SOX5: variants seen among roughly 807,000 people sequenced by gnomAD.
SOX5 encodes the protein SRY-box transcription factor 5.
In SOX5, 9 loss-of-function variants were observed where a neutral mutation model predicts 92.0. That is an observed-to-expected ratio of 0.10 (90% CI 0.06 to 0.17). The LOEUF (loss-of-function observed/expected upper bound fraction) is 0.17, where lower values mean the gene tolerates loss of function less well. SOX5 is among the 10% of genes least tolerant of loss of function. The pLI is 1.00. For synonymous variants in SOX5, 344 were observed against 336.3 expected, an observed-to-expected ratio of 1.02 and a Z score of -0.25; for missense variants, 642 against 944.5, an observed-to-expected ratio of 0.68 and a Z score of 4.20.
rs553471322 is a variant in SOX5 at position 24,203,802 on chromosome 12, T to A, written c.-2+9541A>T. Among the ~76,000 whole-genome samples, 4 of 152,364 alleles carry A rather than the reference T, an allele frequency of 2.6e-5. No individual in the cohort carries two copies. In the East Asian group the frequency reaches 7.7e-4, roughly 29 times the overall value. ...TAGAGTATAAACGCCAATTACTGTT[T>A]GGCAGTTACTTAGATTAGCTCTTTT... On this transcript the variant is annotated intron_variant, in intron 4 of 4. Coordinates refer to the SOX5 transcript ENST00000446891.
At chr12:23,689,515 T>C (rs1414493318) in intron 6 of SOX5, among the ~76,000 whole-genome samples, 1 of 152,168 alleles carries the variant, frequency 6.6e-6, no homozygotes. Context: ...TAAGTCATTG[T>C]TAATTCTAAT....
In SOX5 at chr12:23,933,413, A is replaced by G. The variant is rs181895005; in HGVS notation, c.38+16151T>C. ...TTGCAGATAAGCGGGACCTACTGAT[A>G]TTCACATTGTAAGTGCTCAATAAAT... On this transcript the variant is annotated intron_variant, in intron 1 of 14. Coordinates refer to ENST00000451604, the MANE Select transcript of SOX5 (RefSeq NM_006940.6). Among the ~76,000 whole-genome samples, 320 of 151,770 alleles carry G rather than the reference A, an allele frequency of 2.1e-3. 3 individuals are homozygous for G. The highest frequency in any genetic ancestry group is 7.3e-3 in the African/African-American group (303 of 41,494).
At chr12:23,723,433 C>T (rs902710428) in intron 6 of SOX5, among the ~76,000 whole-genome samples, 6 of 151,778 alleles carry the variant, frequency 4.0e-5, no homozygotes, top group Admixed American at 6.6e-5. Context: ...AAAGAAATCA[C>T]GAGTGGCTAT....
chr12:24,309,131 T>C (rs897807790), intron 2 of SOX5, among the ~76,000 whole-genome samples: 1 of 152,250 alleles, frequency 6.6e-6, no homozygotes, highest in East Asian at 1.9e-4. Context: ...TAGGATGTTC[T>C]ACTTCACAAA....
chr12:24,371,230 G>T (rs1338839182), intron 1 of SOX5, among the ~76,000 whole-genome samples: 1 of 152,198 alleles, frequency 6.6e-6, no homozygotes, highest in East Asian at 1.9e-4. Flanking sequence ...AGCCTCTAGG[G>T]CCTACGGACA....
chr12:24,394,867 T>A (rs903610010), intron 1 of SOX5, among the ~76,000 whole-genome samples: 2 of 152,270 alleles, frequency 1.3e-5, no homozygotes, highest in Admixed American at 1.3e-4. Flanking sequence ...GTTATTCTTA[T>A]TGGCTTTTGG....
chr12:24,108,071 A>G (rs1344440736), intron 4 of SOX5, among the ~76,000 whole-genome samples: 2 of 152,210 alleles, frequency 1.3e-5, no homozygotes, highest in Non-Finnish European at 2.9e-5. Context: ...GCAGAATAGG[A>G]CAACATATTT....
At chr12:23,700,441 ATATAT>A (rs1211982174) in intron 6 of SOX5, among the ~76,000 whole-genome samples, 1 of 152,136 alleles carries the variant, frequency 6.6e-6, no homozygotes, top group Non-Finnish European at 1.5e-5. Flanking sequence ...AAGAGCAGAA[ATATAT>A]TATAAAGCAC....
intron 2 of SOX5, among the ~76,000 whole-genome samples, chr12:24,347,947 T>C (rs1047407394): frequency 3.3e-5 from 5 of 149,668 alleles, no homozygotes; most frequent in East Asian, 2.0e-4. Context: ...ATAAAATGAA[T>C]GCAGTGTGTT....
At chr12:24,478,986 T>C (rs1305348497) in intron 1 of SOX5, among the ~76,000 whole-genome samples, 1 of 152,220 alleles carries the variant, frequency 6.6e-6, no homozygotes, top group Non-Finnish European at 1.5e-5. Context: ...GGTTCCAATC[T>C]ACTCTTCGAG....
At chr12:24,467,187 A>C (rs1340694752) in intron 1 of SOX5, among the ~76,000 whole-genome samples, 1 of 152,204 alleles carries the variant, frequency 6.6e-6, no homozygotes, top group Non-Finnish European at 1.5e-5. Context: ...ATACCATCAG[A>C]TACTTCCATT....
At chr12:23,608,881 A>G (rs569560220) in intron 8 of SOX5, among the ~76,000 whole-genome samples, 2 of 152,346 alleles carry the variant, frequency 1.3e-5, no homozygotes, top group East Asian at 3.9e-4. Context: ...ACTCTGGACT[A>G]TTATTGATAT....
intron 13 of SOX5, among the ~76,000 whole-genome samples, chr12:23,537,099 A>G (rs1462122839): frequency 6.6e-6 from 1 of 152,172 alleles, no homozygotes; most frequent in African/African-American, 2.4e-5. Context: ...AGTTCCCAAC[A>G]TATATCATGT....
chr12:24,209,845 C>A (rs1245484173), intron 4 of SOX5, among the ~76,000 whole-genome samples: 1 of 150,812 alleles, frequency 6.6e-6, no homozygotes, highest in East Asian at 2.0e-4. Flanking sequence ...GGTGAAACCC[C>A]GTCTCTACTA....
At chr12:24,102,321 A>G (rs934565687) in intron 4 of SOX5, among the ~76,000 whole-genome samples, 20 of 152,346 alleles carry the variant, frequency 1.3e-4, no homozygotes, top group Admixed American at 7.8e-4. Flanking sequence ...ATAACCAACT[A>G]GTAAATTTGC....
intron 4 of SOX5, among the ~76,000 whole-genome samples, chr12:23,990,175 T>G (rs762843077): frequency 3.3e-5 from 5 of 152,160 alleles, no homozygotes; most frequent in African/African-American, 4.8e-5. Flanking sequence ...ATCTGTCCCC[T>G]CAGTTGCATT....
chr12:23,882,198 T>C (rs1483164042), intron 2 of SOX5, among the ~76,000 whole-genome samples: 2 of 152,130 alleles, frequency 1.3e-5, no homozygotes, highest in Non-Finnish European at 2.9e-5. Context: ...ATATCCTTTT[T>C]AACATCATTT....
chr12:24,416,603 GA>G (rs1358949802), intron 1 of SOX5, among the ~76,000 whole-genome samples: 1 of 152,144 alleles, frequency 6.6e-6, no homozygotes, highest in Non-Finnish European at 1.5e-5. Context: ...TGATTTGGTA[GA>G]AAAAATGAGA....
At chr12:23,811,319 C>A (rs2095871838) in intron 3 of SOX5, among the ~76,000 whole-genome samples, 1 of 152,110 alleles carries the variant, frequency 6.6e-6, no homozygotes. Context: ...CCAGATTGCA[C>A]TCATATTGTT....
Sources: allele counts gnomAD v4.1 joint callset (sites outside exome capture counted in the v4.1 genomes callset), GRCh38; gene constraint gnomAD v4.1.1; transcripts MANE v1.5; gene names NCBI Gene and HGNC (gene_info 2026-07-23, HGNC 2026-07-21).